The following CREB3L1 variants were observed in gnomAD, a reference collection of about 807,000 sequenced individuals.
The protein encoded by CREB3L1 is cAMP responsive element binding protein 3 like 1.
A neutral mutation model predicts 54.5 loss-of-function variants in CREB3L1; 33 were observed. The observed-to-expected ratio is 0.61, with a 90% CI of 0.46 to 0.81. The LOEUF (loss-of-function observed/expected upper bound fraction) is 0.81. Ranked by LOEUF, CREB3L1 falls within the 30% of genes least tolerant of loss-of-function variation. CREB3L1 has a pLI of 0.00. For synonymous variants in CREB3L1, 284 were observed against 286.4 expected (o/e 0.99, Z 0.08); for missense variants, 656 against 673.3 (o/e 0.97, Z 0.29).
chr11:46,310,323 C>T (rs920556429), intron 4 of CREB3L1, among the ~76,000 whole-genome samples: 3 of 151,926 alleles, frequency 2.0e-5, no homozygotes, highest in Non-Finnish European at 4.4e-5. Flanking sequence ...GCTGGAGTAC[C>T]ATGGCACGAT....
In CREB3L1 at chr11:46,317,358, C is replaced by T; in HGVS notation, c.1132-3C>T. 6.2e-7 allele frequency: 1 copy of T among 1,613,928 alleles called. No individual in the cohort carries two copies. ...TCTGATGCCACTCTCTCTTTGCTAC[C>T]AGGTGGCAGCCTTGTGCTTTGTTCT... On this transcript the variant is annotated splice_polypyrimidine_tract_variant and splice_region_variant and intron_variant, in intron 9 of 11. Transcript: ENST00000621158.
chr11:46,317,275 G>A (rs2136358767), intron 9 of CREB3L1, 86 bp from the exon 10 acceptor site: 2 of 1,557,204 alleles, frequency 1.3e-6, no homozygotes, highest in East Asian at 2.3e-5. Context: ...TTTTGTGCCT[G>A]TTGGTTTGGG....
Position 46,320,482 on chromosome 11 carries a change from G to C in CREB3L1, c.1477G>C (p.Gly493Arg). The change falls in exon 11 of 12, where the codon GGC becomes CGC. Residue 493 changes from glycine to arginine, a missense_variant. Physicochemically the swap from Gly to Arg is moderately radical, Grantham distance 125. Around this residue, in one of 3 missense-constraint regions of CREB3L1, gnomAD observed 240 missense variants for 219.8 expected, o/e 1.09. Coordinates refer to ENST00000621158, the MANE Select transcript of CREB3L1 (RefSeq NM_052854.4). ...GGCCTGGCCTAAAGACGGTGGAAAC[G>C]GCACCAGCCCCGACTTCTCCCACTC... Reference protein sequence around the residue: ...SEAWPKDGGNGTSPDFSHSKE... With the variant: ...SEAWPKDGGNRTSPDFSHSKE... The C allele has an allele frequency of 6.3e-7, 1 of 1,596,242 alleles. No homozygotes were observed. The highest frequency in any genetic ancestry group is 8.5e-7 in the Non-Finnish European group (1 of 1,171,734).
Position 46,310,037 on chromosome 11 carries a change from G to A in CREB3L1, c.565G>A (p.Glu189Lys), listed in dbSNP as rs775284651. 65 of 1,601,964 alleles carry A rather than the reference G, an allele frequency of 4.1e-5. No homozygotes were observed. Among genetic ancestry groups the A allele is most frequent in the Non-Finnish European group, 5.4e-5 (63 of 1,174,552 alleles). ...GCCAGTGATCAAAGCAGAGCCTCTG[G>A]AGGTGAACCAGTTCCTCAAAGTGAC... ...QLPVIKAEPL[E>K]VNQFLKVTPE... Residue 189 changes from glutamate (E) to lysine (K), a missense_variant, in exon 4 of 12, where the codon GAG becomes AAG. Around this residue, in one of 3 missense-constraint regions of CREB3L1, gnomAD observed 339 missense variants for 331.5 expected, o/e 1.02. Transcript: ENST00000621158.
chr11:46,317,781 C>T (rs951816438), intron 10 of CREB3L1, among the ~76,000 whole-genome samples: 2 of 152,176 alleles, frequency 1.3e-5, no homozygotes, highest in African/African-American at 2.4e-5. Flanking sequence ...ATGTTCCAGC[C>T]CTGGGCCCCA....
intron 2 of CREB3L1, among the ~76,000 whole-genome samples, chr11:46,305,653 T>C (rs1408779107): frequency 9.8e-6 from 1 of 102,022 alleles, no homozygotes; most frequent in African/African-American, 4.0e-5. Flanking sequence ...TATATGTGTG[T>C]ATATATGTGT....
chr11:46,306,114 G>C (rs1939393615), intron 2 of CREB3L1, among the ~76,000 whole-genome samples: 1 of 152,134 alleles, frequency 6.6e-6, no homozygotes, highest in South Asian at 2.1e-4. Context: ...TCTGATCATA[G>C]TTCACTGCAG....
chr11:46,313,956 G>A (rs1216746180), intron 8 of CREB3L1, among the ~76,000 whole-genome samples: 1 of 152,120 alleles, frequency 6.6e-6, no homozygotes, highest in Non-Finnish European at 1.5e-5. Context: ...ATCTCATAGG[G>A]CCAGGCACAG....
intron 10 of CREB3L1, among the ~76,000 whole-genome samples, chr11:46,319,404 G>T (rs1425046265): frequency 2.8e-4 from 42 of 152,160 alleles, no homozygotes; most frequent in Non-Finnish European, 1.5e-5. Context: ...TGGGAAGCGG[G>T]GCTAAAGAAA....
chr11:46,306,026 C>T (rs577472429), intron 2 of CREB3L1, among the ~76,000 whole-genome samples: 29 of 151,682 alleles, frequency 1.9e-4, no homozygotes, highest in South Asian at 1.2e-3. Flanking sequence ...CGTGAGCCAC[C>T]GCGCCAGGCC....
At chr11:46,297,709 A>G (rs1939233412) in intron 1 of CREB3L1, among the ~76,000 whole-genome samples, 1 of 152,224 alleles carries the variant, frequency 6.6e-6, no homozygotes, top group African/African-American at 2.4e-5. Context: ...GAAGTGGGAG[A>G]GTACCCCTGC....
At chr11:46,293,181 C>T (rs1209652978) in intron 1 of CREB3L1, among the ~76,000 whole-genome samples, 2 of 152,260 alleles carry the variant, frequency 1.3e-5, no homozygotes, top group African/African-American at 2.4e-5. Flanking sequence ...CCCCGGCACT[C>T]GGTTTCCGGT....
rs1382745250 is a variant in CREB3L1 at position 46,321,028 on chromosome 11, G to T, written c.*282G>T. 2.8e-5 allele frequency: 17 copies of T among 608,628 alleles called. 1 individual carries two copies. The Admixed American group carries it at 3.1e-4, about 11-fold the overall frequency. The allele number at this position is 608,628 out of a possible 1,614,324, so 37.7% of individuals were successfully genotyped here. A position where few individuals can be genotyped will look rare whatever the true frequency, so the allele number is the denominator to read the frequency against. ...CTCTCATATGCCCAACACGACCACT[G>T]CCTCCCTGCCCCCACACCTGCACCC... On this transcript the variant is annotated 3_prime_UTR_variant, in exon 12 of 12. Transcript: ENST00000621158.
intron 1 of CREB3L1, among the ~76,000 whole-genome samples, chr11:46,282,421 CT>C (rs1938992955): frequency 6.6e-6 from 1 of 152,272 alleles, no homozygotes; most frequent in African/African-American, 2.4e-5. Context: ...TCAGGTGTCA[CT>C]CTTGAGCACT....
intron 2 of CREB3L1, among the ~76,000 whole-genome samples, chr11:46,305,690 ATGTGTGTGTG>A (rs764468204): frequency 6.8e-4 from 76 of 111,602 alleles, no homozygotes; most frequent in African/African-American, 2.3e-3. Context: ...GTGTGTATAT[ATGTGTGTGTG>A]TGTGTGTGTG....
intron 1 of CREB3L1, among the ~76,000 whole-genome samples, chr11:46,287,879 G>C (rs1939077253): frequency 1.3e-5 from 2 of 151,524 alleles, no homozygotes; most frequent in Non-Finnish European, 2.9e-5. Context: ...AGGAGGCTGA[G>C]ACAGAAGAAT....
At chr11:46,305,043 A>G (rs1363929081) in intron 2 of CREB3L1, among the ~76,000 whole-genome samples, 6 of 152,130 alleles carry the variant, frequency 3.9e-5, no homozygotes, top group East Asian at 3.9e-4. Flanking sequence ...AAGGTGGTCA[A>G]TCAGCCACTA....
chr11:46,307,931 C>G lies in CREB3L1; in HGVS notation c.447C>G (p.Ala149=), dbSNP rs761596645. The change falls in exon 3 of 12, where the codon GCC becomes GCG. Residue 149 remains alanine (A), a synonymous_variant. Coordinates refer to ENST00000621158, the MANE Select transcript of CREB3L1 (RefSeq NM_052854.4). ...TGGCTGCCCCCTCGGCCATGGCTGCCGCGGCCGCCATGGCCACCACCCCGC... is the reference window on the plus strand; with the variant it reads ...TGGCTGCCCCCTCGGCCATGGCTGCGGCGGCCGCCATGGCCACCACCCCGC... ...DPLAAPSAMA[A]AAAMATTPLL... 3 of 1,564,544 alleles carry G rather than the reference C, an allele frequency of 1.9e-6. No individual in the cohort carries two copies. The highest frequency in any genetic ancestry group is 2.6e-6 in the Non-Finnish European group (3 of 1,156,880).
Position 46,311,111 on chromosome 11 carries a change from G to T in CREB3L1, c.675G>T (p.Leu225=). Residue 225 remains leucine, a synonymous_variant, in exon 5 of 12, where the codon CTG becomes CTT. Transcript: ENST00000621158. Reference sequence around the variant, plus strand: ...ACGGCTCCCAGAGTCCCCGCTCTCTGCCCCCCTCCAGCCCTGTCAGGCCCA... The same window carrying T: ...ACGGCTCCCAGAGTCCCCGCTCTCTTCCCCCCTCCAGCCCTGTCAGGCCCA... ...DSDGSQSPRS[L]PPSSPVRPMA... 1 of 1,607,530 alleles carries T rather than the reference G, an allele frequency of 6.2e-7. No individual in the cohort carries two copies.
Sources: gnomAD v4.1 joint callset for allele counts (sites outside exome capture counted in the v4.1 genomes callset) on GRCh38, gnomAD v4.1.1 for gene constraint, gnomAD v4.1.1 regional missense constraint, MANE v1.5 for transcripts, NCBI Gene and HGNC (gene_info 2026-07-23, HGNC 2026-07-21) for gene names.